The following PPM1L variants were observed in gnomAD, a reference collection of about 807,000 sequenced individuals.
The protein encoded by PPM1L is protein phosphatase 1L.
Under a neutral mutation model 31.4 loss-of-function variants are expected in PPM1L, and 13 were observed. The observed-to-expected ratio is 0.41, with a 90% CI of 0.27 to 0.66. PPM1L has a LOEUF of 0.66. Ranked by LOEUF, PPM1L falls within the 30% of genes least tolerant of loss-of-function variation. The pLI, the probability that PPM1L is intolerant of heterozygous loss-of-function variation, is 0.29. For missense variants in PPM1L, 326 were observed against 453.7 expected, an observed-to-expected ratio of 0.72 and a Z score of 2.56; for synonymous variants, 184 against 175.4, an observed-to-expected ratio of 1.05 and a Z score of -0.39.
intron 1 of PPM1L, among the ~76,000 whole-genome samples, chr3:160,871,667 C>T (rs1328067498): frequency 6.6e-6 from 1 of 151,990 alleles, no homozygotes; most frequent in Non-Finnish European, 1.5e-5. Context: ...ATGGTTATTT[C>T]CAGTTCTAAG....
intron 2 of PPM1L, among the ~76,000 whole-genome samples, chr3:161,002,343 G>A (rs953560680): frequency 1.3e-5 from 2 of 152,124 alleles, no homozygotes; most frequent in African/African-American, 4.8e-5. Flanking sequence ...AGTCGTTTGG[G>A]TATATACCCA....
chr3:160,916,646 T>A (rs1714194154), intron 1 of PPM1L, among the ~76,000 whole-genome samples: 3 of 152,200 alleles, frequency 2.0e-5, no homozygotes, highest in Admixed American at 1.3e-4. Context: ...AAATTTTTTT[T>A]AAGATAGCTG....
intron 2 of PPM1L, among the ~76,000 whole-genome samples, chr3:161,009,690 G>T (rs1717826968): frequency 6.6e-6 from 1 of 152,116 alleles, no homozygotes; most frequent in African/African-American, 2.4e-5. Context: ...AAGATAGTAA[G>T]ACTATATATA....
At chr3:160,785,304 A>G (rs936854439) in intron 1 of PPM1L, among the ~76,000 whole-genome samples, 2 of 152,116 alleles carry the variant, frequency 1.3e-5, no homozygotes, top group Non-Finnish European at 2.9e-5. Context: ...ATAATAAATT[A>G]TTTTATTTAG....
chr3:161,027,592 G>A (rs538058050), intron 2 of PPM1L, among the ~76,000 whole-genome samples: 8 of 152,172 alleles, frequency 5.3e-5, no homozygotes, highest in East Asian at 1.9e-4. Flanking sequence ...AGAACAGCAC[G>A]GGAAAGACCT....
chr3:160,789,016 A>G (rs1712020477), intron 1 of PPM1L, among the ~76,000 whole-genome samples: 1 of 151,978 alleles, frequency 6.6e-6, no homozygotes, highest in Non-Finnish European at 1.5e-5. Flanking sequence ...GGTTGCAAAC[A>G]ATAACAGCAA....
intron 2 of PPM1L, among the ~76,000 whole-genome samples, chr3:161,047,318 A>G (rs1239793981): frequency 6.6e-6 from 1 of 152,198 alleles, no homozygotes; most frequent in African/African-American, 2.4e-5. Flanking sequence ...CCAAATCATG[A>G]GAGAACTCCC....
chr3:160,932,035 A>G (rs1368224327), intron 1 of PPM1L, among the ~76,000 whole-genome samples: 1 of 151,946 alleles, frequency 6.6e-6, no homozygotes, highest in Admixed American at 6.6e-5. Context: ...TTCTTCCACT[A>G]ATTTATTTTA....
At chr3:161,011,197 G>A in intron 2 of PPM1L, among the ~76,000 whole-genome samples, 1 of 152,170 alleles carries the variant, frequency 6.6e-6, no homozygotes, top group Non-Finnish European at 1.5e-5. Context: ...TTTTGTATAA[G>A]GTGTAAGGAA....
At chr3:160,878,610 A>C (rs1391938203) in intron 1 of PPM1L, among the ~76,000 whole-genome samples, 3 of 152,196 alleles carry the variant, frequency 2.0e-5, no homozygotes, top group Non-Finnish European at 4.4e-5. Flanking sequence ...AGATACCATC[A>C]CACTGAGAGT....
Position 161,064,890 on chromosome 3 carries a change from G to T in PPM1L, c.575-513G>T, listed in dbSNP as rs944192604. On this transcript the variant is annotated intron_variant, in intron 2 of 3. Transcript: ENST00000498165. ...TTCTGGCCACCAGTCTTTGCTGTCA[G>T]ACTTTGTATAGGCAAGCTCAACCTG... Among the ~76,000 whole-genome samples, 111 of 152,014 alleles carry T rather than the reference G, an allele frequency of 7.3e-4. 1 individual carries two copies. The highest frequency in any genetic ancestry group is 7.2e-3 in the Admixed American group (110 of 15,260).
intron 1 of PPM1L, among the ~76,000 whole-genome samples, chr3:160,840,735 A>AAAGAAG (rs1560122300): frequency 3.0e-4 from 44 of 148,106 alleles, no homozygotes; most frequent in African/African-American, 1.1e-3. Context: ...AGAGAGAGAG[A>AAAGAAG]GAGAGAAGGA....
intron 1 of PPM1L, among the ~76,000 whole-genome samples, chr3:160,775,080 T>C (rs1230412281): frequency 6.6e-6 from 1 of 152,228 alleles, no homozygotes; most frequent in Non-Finnish European, 1.5e-5. Context: ...CCAGGTACTT[T>C]TAGTGGTGTT....
At chr3:160,762,986 T>A (rs1715010416) in intron 1 of PPM1L, among the ~76,000 whole-genome samples, 1 of 152,090 alleles carries the variant, frequency 6.6e-6, no homozygotes, top group Non-Finnish European at 1.5e-5. Context: ...GCACCGGGAG[T>A]GGAAAAATCC....
At chr3:161,014,389 T>G (rs1718005805) in intron 2 of PPM1L, among the ~76,000 whole-genome samples, 1 of 152,164 alleles carries the variant, frequency 6.6e-6, no homozygotes, top group African/African-American at 2.4e-5. Flanking sequence ...ATGTTAGTTG[T>G]TTTTATATCT....
At chr3:161,055,998 A>T (rs373073276) in intron 2 of PPM1L, among the ~76,000 whole-genome samples, 5 of 152,308 alleles carry the variant, frequency 3.3e-5, no homozygotes, top group African/African-American at 1.2e-4. Context: ...ATAAAAAGTG[A>T]CATCACTCAC....
chr3:160,814,605 GTA>G (rs763286003), intron 1 of PPM1L, among the ~76,000 whole-genome samples: 1 of 122,490 alleles, frequency 8.2e-6, no homozygotes, highest in Non-Finnish European at 1.7e-5. Flanking sequence ...GTATGTATGT[GTA>G]TATATATACA....
chr3:161,056,373 G>A (rs1280520496), intron 2 of PPM1L, among the ~76,000 whole-genome samples: 1 of 152,106 alleles, frequency 6.6e-6, no homozygotes, highest in African/African-American at 2.4e-5. Context: ...CTTACTCTCT[G>A]TAACGGGATT....
intron 2 of PPM1L, among the ~76,000 whole-genome samples, chr3:161,037,492 G>A (rs1244400644): frequency 2.2e-5 from 3 of 138,832 alleles, no homozygotes; most frequent in Middle Eastern, 4.2e-3. Context: ...TCAGCTCACC[G>A]CAACCTCCAC....
Sources: allele counts gnomAD v4.1 joint callset (sites outside exome capture counted in the v4.1 genomes callset), GRCh38; gene constraint gnomAD v4.1.1; transcripts MANE v1.5; gene names NCBI Gene and HGNC (gene_info 2026-07-23, HGNC 2026-07-21).